The following ZMYM6 variants were observed in gnomAD, a reference collection of about 807,000 sequenced individuals.
ZMYM6 encodes zinc finger MYM-type protein 6.
Under a neutral mutation model 134.0 loss-of-function variants are expected in ZMYM6, and 90 were observed. The observed-to-expected ratio is 0.67, with a 90% CI of 0.57 to 0.80. The LOEUF is 0.80. ZMYM6 is among the 30% of genes least tolerant of loss of function. The pLI, the probability that ZMYM6 is intolerant of heterozygous loss-of-function variation, is 0.00. For missense variants in ZMYM6, 1,362 were observed against 1,533.9 expected, an observed-to-expected ratio of 0.89 and a Z score of 1.87; for synonymous variants, 481 against 524.1, an observed-to-expected ratio of 0.92 and a Z score of 1.12.
intron 14 of ZMYM6, among the ~76,000 whole-genome samples, chr1:35,002,268 G>C (rs955469228): frequency 3.9e-5 from 6 of 152,174 alleles, no homozygotes; most frequent in Non-Finnish European, 7.3e-5. Context: ...CTTATTAGCA[G>C]GTGTTATGTT....
chr1:35,025,759 T>C (rs2148462055), intron 2 of ZMYM6, among the ~76,000 whole-genome samples: 1 of 152,316 alleles, frequency 6.6e-6, no homozygotes, highest in East Asian at 1.9e-4. Context: ...GTTTGGGCTC[T>C]TGAATCAGAC....
At chr1:34,992,121 G>C in intron 15 of ZMYM6, 113 bp downstream of exon 15, 10 of 1,355,476 alleles carry the variant, frequency 7.4e-6, no homozygotes, top group Non-Finnish European at 1.0e-5. Context: ...CCAAGAAAAG[G>C]AATGTTTTCA....
At chr1:35,018,628 G>A (rs2148457731) in intron 4 of ZMYM6, 1 of 152,212 alleles carries the variant, frequency 6.6e-6, no homozygotes, top group South Asian at 2.1e-4. Context: ...GTCCTAGGAA[G>A]CAACTATTAT....
At chr1:35,007,662 A>G (rs1227746632) in intron 11 of ZMYM6, among the ~76,000 whole-genome samples, 4 of 152,052 alleles carry the variant, frequency 2.6e-5, no homozygotes, top group African/African-American at 7.2e-5. Context: ...TAGGTTCATA[A>G]CTGGGCATGG....
At chr1:35,006,028 G>C (rs1414020976) in intron 12 of ZMYM6, among the ~76,000 whole-genome samples, 1 of 152,188 alleles carries the variant, frequency 6.6e-6, no homozygotes, top group East Asian at 1.9e-4. Context: ...TTTTCTGAGA[G>C]AGAGAATATC....
chr1:34,987,769 G>T lies in ZMYM6; in HGVS notation c.3313C>A (p.His1105Asn). 2 of 1,551,416 alleles carry T rather than the reference G, an allele frequency of 1.3e-6. No homozygotes were observed. Among genetic ancestry groups the T allele is most frequent in the South Asian group, 1.2e-5 (1 of 84,006 alleles). The change falls in exon 16 of 16, where the codon CAT becomes AAT. Residue 1105 changes from histidine to asparagine, a missense_variant. By Grantham distance (68) the His-to-Asn change is moderately conservative. This residue lies in a region of ZMYM6 where 824 missense variants were observed against 940.9 expected (regional missense o/e 0.88). Coordinates refer to ENST00000357182, the MANE Select transcript of ZMYM6 (RefSeq NM_007167.4). Reference protein sequence around the residue: ...QKHSDLAKYFHDEEWVGKLAY... With the variant: ...QKHSDLAKYFNDEEWVGKLAY... Reference sequence around the variant, plus strand: ...AGCTTTCCAACCCATTCCTCATCATGAAAATACTTGGCCAAATCTGAATGC... The same window carrying T: ...AGCTTTCCAACCCATTCCTCATCATTAAAATACTTGGCCAAATCTGAATGC...
chr1:34,998,519 G>C (rs190555437), intron 14 of ZMYM6, among the ~76,000 whole-genome samples: 16 of 152,074 alleles, frequency 1.1e-4, no homozygotes, highest in African/African-American at 3.6e-4. Flanking sequence ...ACAGTGTAGA[G>C]AAAAAACTGC....
chr1:35,025,226 G>A (rs1055386039), intron 2 of ZMYM6, among the ~76,000 whole-genome samples: 6 of 147,798 alleles, frequency 4.1e-5, no homozygotes, highest in South Asian at 2.4e-4. Flanking sequence ...GCTCACGCCT[G>A]TAACCCCAGC....
rs529269393 is a variant in ZMYM6 at position 34,988,688 on chromosome 1, G to T, written c.2394C>A (p.Asn798Lys). 1.0e-4 allele frequency: 156 copies of T among 1,550,038 alleles called. No individual in the cohort carries two copies. In the East Asian group the frequency reaches 3.8e-3, roughly 38 times the overall value. Residue 798 changes from asparagine (N) to lysine (K), a missense_variant, in exon 16 of 16, where the codon AAC becomes AAA. By Grantham distance (94) the Asn-to-Lys change is moderately conservative. Transcript: ENST00000357182. ...TTTGTTCAAAAAAATCTACTGGTTTGTTTTCTAATTCTGAATGTTTTGTCT... is the reference window on the plus strand; with the variant it reads ...TTTGTTCAAAAAAATCTACTGGTTTTTTTTCTAATTCTGAATGTTTTGTCT... ...HLKTKHSELE[N>K]KPVDFFEQKS...
intron 2 of ZMYM6, among the ~76,000 whole-genome samples, chr1:35,027,894 G>A (rs1226125598): frequency 6.6e-6 from 1 of 152,164 alleles, no homozygotes; most frequent in Non-Finnish European, 1.5e-5. Flanking sequence ...CAAGTAGCAT[G>A]GATGCCACCA....
intron 15 of ZMYM6, chr1:34,989,263 C>A: frequency 9.6e-7 from 1 of 1,039,340 alleles, no homozygotes; most frequent in Non-Finnish European, 1.2e-6. Flanking sequence ...TTTGGCTGAG[C>A]AGGGTGGCTC....
At chr1:34,991,211 C>T (rs1640667227) in intron 15 of ZMYM6, among the ~76,000 whole-genome samples, 1 of 152,140 alleles carries the variant, frequency 6.6e-6, no homozygotes, top group Non-Finnish European at 1.5e-5. Context: ...CACACACACA[C>T]ACACAAACAT....
At chr1:34,995,136 C>T (rs1044499169) in intron 14 of ZMYM6, among the ~76,000 whole-genome samples, 7 of 142,296 alleles carry the variant, frequency 4.9e-5, no homozygotes, top group South Asian at 2.1e-4. Flanking sequence ...TACATATATA[C>T]ACACACACAC....
rs942128500 is a variant in ZMYM6, at chr1:34,988,924, G to C, written c.2158C>G (p.Pro720Ala). The C allele has an allele frequency of 3.7e-6, 6 of 1,609,672 alleles. No individual in the cohort carries two copies. The African/African-American group carries it at 8.0e-5, about 22-fold the overall frequency. ...AGTTCTGCATCATTTTTTTCATTAG[G>C]CATAGGTAAATCTGAATGAAATATT... ...HKECQTDLPM[P>A]NEKNDAELDS... The change falls in exon 16 of 16, where the codon CCT becomes GCT. Residue 720 changes from proline to alanine, a missense_variant. This residue lies in a region of ZMYM6 where 824 missense variants were observed against 940.9 expected (regional missense o/e 0.88). Transcript: ENST00000357182.
At chr1:35,030,353 G>C (rs1378779900) in intron 2 of ZMYM6, 194 bp downstream of exon 2, 4 of 560,104 alleles carry the variant, frequency 7.1e-6, no homozygotes, top group Non-Finnish European at 1.2e-5. Flanking sequence ...GATCACTTGA[G>C]CCTGGGAGGT....
intron 3 of ZMYM6, 97 bp from the exon 4 acceptor site, chr1:35,019,699 C>G (rs12058423): frequency 0.086 from 116,850 of 1,354,396 alleles, 22,110 homozygotes; most frequent in African/African-American, 0.7. Context: ...TTCTGAGACA[C>G]GGTCTCACTG....
intron 14 of ZMYM6, among the ~76,000 whole-genome samples, chr1:35,003,421 A>T (rs955173077): frequency 6.6e-6 from 1 of 152,234 alleles, no homozygotes; most frequent in Non-Finnish European, 1.5e-5. Context: ...TGAGACATAA[A>T]GTGAAAGTCT....
At chr1:35,011,079 A>G (rs1168902004) in intron 8 of ZMYM6, 43 bp from the exon 9 acceptor site, 11 of 1,569,536 alleles carry the variant, frequency 7.0e-6, no homozygotes, top group Non-Finnish European at 9.5e-6. Context: ...CAACTGAGAA[A>G]TAAGATAACT....
intron 8 of ZMYM6, 54 bp downstream of exon 8, chr1:35,011,836 C>A: frequency 7.9e-7 from 1 of 1,262,034 alleles, no homozygotes; most frequent in Non-Finnish European, 1.1e-6. Context: ...AACACTGTGC[C>A]ACAGATCGAT....
Sources: gnomAD v4.1 joint callset for allele counts (sites outside exome capture counted in the v4.1 genomes callset) on GRCh38, gnomAD v4.1.1 for gene constraint, gnomAD v4.1.1 regional missense constraint, MANE v1.5 for transcripts, NCBI Gene and HGNC (gene_info 2026-07-23, HGNC 2026-07-21) for gene names.